Variants in MROH2A observed in about 807,000 individuals in gnomAD.
MROH2A encodes maestro heat like repeat family member 2A.
In MROH2A, 174 loss-of-function variants were observed where a neutral mutation model predicts 200.4. The ratio of observed to expected loss-of-function variants is 0.87; its 90% CI spans 0.77 to 0.98. The LOEUF (loss-of-function observed/expected upper bound fraction) is 0.98, where lower values mean the gene tolerates loss of function less well. Ranked by LOEUF, MROH2A falls within the 50% of genes least tolerant of loss-of-function variation. The pLI, the probability that MROH2A is intolerant of heterozygous loss-of-function variation, is 0.00. For synonymous variants in MROH2A, 829 were observed against 840.4 expected (o/e 0.99, Z 0.23); for missense variants, 2,045 against 2,139.6 (o/e 0.96, Z 0.87).
chr2:233,829,921 T>C (rs1291772902), intron 38 of MROH2A, 146 bp downstream of exon 38: 5 of 727,310 alleles, frequency 6.9e-6, no homozygotes, highest in Non-Finnish European at 9.7e-6. Flanking sequence ...CACAGCCTGC[T>C]CCCTGCTGTC....
chr2:233,827,365 T>C (rs1576017003), intron 35 of MROH2A, among the ~76,000 whole-genome samples: 1 of 152,174 alleles, frequency 6.6e-6, no homozygotes, highest in Non-Finnish European at 1.5e-5. Flanking sequence ...ATGAGGTACA[T>C]ATACACCATG....
intron 3 of MROH2A, among the ~76,000 whole-genome samples, chr2:233,787,878 T>TTA (rs376812457): frequency 3.5e-3 from 7 of 2,026 alleles, no homozygotes; most frequent in Non-Finnish European, 7.3e-3. Context: ...TACATATATA[T>TTA]TATATATACA....
At chr2:233,832,699 G>C (rs1217877943) in intron 41 of MROH2A, 55 bp downstream of exon 41, 1 of 1,246,092 alleles carries the variant, frequency 8.0e-7, no homozygotes, top group African/African-American at 1.5e-5. Context: ...CTCACTAGGG[G>C]AGCTTAGAGA....
upstream of MROH2A, among the ~76,000 whole-genome samples, chr2:233,776,179 T>G (rs1700698505): frequency 1.3e-5 from 2 of 152,118 alleles, no homozygotes; most frequent in South Asian, 4.2e-4. Context: ...TCTTGGGCCT[T>G]TTGTGTATTT....
chr2:233,812,103 A>G (rs1175197778), intron 24 of MROH2A, 144 bp downstream of exon 24: 3 of 622,750 alleles, frequency 4.8e-6, no homozygotes, highest in Admixed American at 2.5e-5. Context: ...CCCCAGGGCA[A>G]TGGGCCAGCC....
chr2:233,799,508 G>A (rs764813011), intron 12 of MROH2A, among the ~76,000 whole-genome samples: 1 of 152,154 alleles, frequency 6.6e-6, no homozygotes, highest in African/African-American at 2.4e-5. Context: ...GCTCCCCACG[G>A]CAAGGGCTGC....
At chr2:233,829,116 G>A in intron 37 of MROH2A, 44 bp downstream of exon 37, 3 of 1,459,820 alleles carry the variant, frequency 2.1e-6, no homozygotes, top group Non-Finnish European at 1.8e-6. Flanking sequence ...AGTGAAGGAG[G>A]GGCACTTCTC....
chr2:233,818,787 C>T lies in MROH2A; in HGVS notation c.3204+17C>T. The T allele has an allele frequency of 6.8e-7, 1 of 1,475,706 alleles. No homozygotes were observed. Among genetic ancestry groups the T allele is most frequent in the South Asian group, 1.2e-5 (1 of 81,736 alleles). The allele number at this position is 1,475,706 out of a possible 1,614,324, so 91.4% of individuals were successfully genotyped here. On this transcript the variant is annotated intron_variant, in intron 29 of 41. Transcript: ENST00000389758. ...ATCGCCAAGGTGACAGCCGGGGAGCCTGCCTGGGCTGCCAGGCTGGTCTCA... is the reference window on the plus strand; with the variant it reads ...ATCGCCAAGGTGACAGCCGGGGAGCTTGCCTGGGCTGCCAGGCTGGTCTCA...
rs1235837861 is a variant in MROH2A, at chr2:233,832,612, T to C, written c.4871T>C (p.Leu1624Pro). 1 of 1,549,920 alleles carries C rather than the reference T, an allele frequency of 6.5e-7. No individual in the cohort carries two copies. The highest frequency in any genetic ancestry group is 1.4e-5 in the African/African-American group (1 of 73,040). ...ATGAAGCAGATGTCTACACATTATC[T>C]GAAAAAGCTGGACTTCCCAGCATTA... The part of the protein sequence containing the change: ...IIMKQMSTHY[L>P]KKLDFPALRN... Residue 1624 changes from leucine (L) to proline (P), a missense_variant, in exon 41 of 42, where the codon CTG (leucine) becomes CCG (proline). Coordinates refer to ENST00000389758, the MANE Select transcript of MROH2A (RefSeq NM_001394639.1).
At chr2:233,823,784 C>T (rs577635514) in intron 35 of MROH2A, 120 bp downstream of exon 35, 134 of 1,235,842 alleles carry the variant, frequency 1.1e-4, no homozygotes, top group Non-Finnish European at 1.4e-4. Context: ...AGCGCCCCTC[C>T]TCTGAGTGCT....
At chr2:233,819,653 G>A (rs942137997) in intron 30 of MROH2A, among the ~76,000 whole-genome samples, 184 bp downstream of exon 30, 4 of 152,222 alleles carry the variant, frequency 2.6e-5, no homozygotes, top group Non-Finnish European at 4.4e-5. Flanking sequence ...AGGTAGCCTC[G>A]TTAGTTAAGT....
intron 14 of MROH2A, among the ~76,000 whole-genome samples, chr2:233,801,355 G>A (rs1702461442): frequency 6.6e-6 from 1 of 152,120 alleles, no homozygotes; most frequent in Admixed American, 6.5e-5. Context: ...ATTAGTCGGG[G>A]GTGTTGAACG....
At chr2:233,821,799 C>T (rs1429524055) in intron 31 of MROH2A, among the ~76,000 whole-genome samples, 1 of 151,930 alleles carries the variant, frequency 6.6e-6, no homozygotes, top group Non-Finnish European at 1.5e-5. Flanking sequence ...GCAAATTGGG[C>T]ACTAGGAGGT....
chr2:233,785,275 C>G (rs1701146641), intron 3 of MROH2A, among the ~76,000 whole-genome samples: 1 of 152,006 alleles, frequency 6.6e-6, no homozygotes, highest in South Asian at 2.1e-4. Context: ...CAAGACCAGC[C>G]TGGGTAACAT....
intron 22 of MROH2A, 99 bp from the exon 23 acceptor site, chr2:233,810,695 C>G (rs958302760): frequency 3.5e-6 from 5 of 1,449,106 alleles, no homozygotes; most frequent in Admixed American, 4.4e-5. Flanking sequence ...TAAACGCTTT[C>G]TTCAGAGCAG....
rs566880027 is a variant in MROH2A at position 233,819,858 on chromosome 2, T to C, written c.3358-44T>C. On this transcript the variant is annotated intron_variant, in intron 30 of 41. Transcript: ENST00000389758. ...GTCATGGGGTTAGTGCAGGAGGCCA[T>C]AGGGGCCTGGGCTGCCCCCCGGTGA... The C allele has an allele frequency of 7.7e-5, 113 of 1,459,618 alleles. No individual in the cohort carries two copies. In the African/African-American group the frequency reaches 1.2e-3, roughly 15 times the overall value. The allele number at this position is 1,459,618 out of a possible 1,614,324, so 90.4% of individuals were successfully genotyped here. A position where few individuals can be genotyped will look rare whatever the true frequency, so the allele number is the denominator to read the frequency against.
Position 233,811,905 on chromosome 2 carries a change from A to G in MROH2A, c.2597A>G (p.Asp866Gly). The G allele has an allele frequency of 1.3e-6, 2 of 1,550,456 alleles. No homozygotes were observed. Among genetic ancestry groups the G allele is most frequent in the South Asian group, 1.2e-5 (1 of 84,064 alleles). ...GCGGTCATCAAGGCAGAACCGACTG[A>G]CAACCTGGTTTCTCCAGTGCGAGCC... ...IVAVIKAEPT[D>G]NLVSPVRALA... The change falls in exon 24 of 42, where the codon GAC becomes GGC. Residue 866 changes from aspartate (D) to glycine (G), a missense_variant. By Grantham distance (94) the Asp-to-Gly change is moderately conservative. Coordinates refer to ENST00000389758, the MANE Select transcript of MROH2A (RefSeq NM_001394639.1).
At chr2:233,781,190 T>C (rs1041268651) in intron 3 of MROH2A, among the ~76,000 whole-genome samples, 2 of 152,240 alleles carry the variant, frequency 1.3e-5, no homozygotes, top group South Asian at 4.1e-4. Context: ...AGTACTGCAA[T>C]AAACATGAAA....
chr2:233,791,817 G>A (rs980096936), intron 5 of MROH2A, among the ~76,000 whole-genome samples: 23 of 152,058 alleles, frequency 1.5e-4, no homozygotes, highest in Non-Finnish European at 5.9e-5. Flanking sequence ...AGAGCTTCAC[G>A]GCTTGCTGGG....
Sources: gnomAD v4.1 joint callset for allele counts (sites outside exome capture counted in the v4.1 genomes callset) on GRCh38, gnomAD v4.1.1 for gene constraint, MANE v1.5 for transcripts, NCBI Gene and HGNC (gene_info 2026-07-23, HGNC 2026-07-21) for gene names.